The following TMPRSS4 variants were observed in gnomAD, a reference collection of about 807,000 sequenced individuals.
The protein encoded by TMPRSS4 is transmembrane protease serine 4.
A neutral mutation model predicts 56.4 loss-of-function variants in TMPRSS4; 45 were observed. That is an observed-to-expected ratio of 0.80 (90% CI 0.63 to 1.02). The LOEUF (loss-of-function observed/expected upper bound fraction) is 1.02, where lower values mean the gene tolerates loss of function less well. TMPRSS4 is among the 50% of genes least tolerant of loss of function. TMPRSS4 has a pLI of 0.00. For missense variants in TMPRSS4, 546 were observed against 556.7 expected, an observed-to-expected ratio of 0.98 and a Z score of 0.19; for synonymous variants, 205 against 211.0, an observed-to-expected ratio of 0.97 and a Z score of 0.25.
chr11:118,117,469 C>T lies in TMPRSS4; in HGVS notation c.1302+15C>T, dbSNP rs1324624275. On this transcript the variant is annotated intron_variant, in intron 12 of 12. Transcript: ENST00000437212. ...ATGTCTGGAAGGTAAGGTACCTTTG[C>T]CCTACCCACTGTGCCTTCCCTCCAG... The T allele has an allele frequency of 1.3e-5, 21 of 1,604,976 alleles. No individual in the cohort carries two copies. The highest frequency in any genetic ancestry group is 1.8e-5 in the Non-Finnish European group (21 of 1,174,490).
At chr11:118,096,391 G>A (rs577896880) in intron 2 of TMPRSS4, among the ~76,000 whole-genome samples, 3 of 152,348 alleles carry the variant, frequency 2.0e-5, no homozygotes, top group Admixed American at 2.0e-4. Context: ...CCAATCTCTA[G>A]CAGGATGCCA....
intron 4 of TMPRSS4, among the ~76,000 whole-genome samples, chr11:118,104,084 G>C (rs1350352378): frequency 2.0e-5 from 3 of 152,052 alleles, no homozygotes; most frequent in African/African-American, 4.8e-5. Context: ...CTTCCCCCTG[G>C]TGCTTGGGCT....
intron 1 of TMPRSS4, among the ~76,000 whole-genome samples, chr11:118,083,250 C>A (rs751164956): frequency 1.2e-4 from 18 of 152,224 alleles, no homozygotes; most frequent in Admixed American, 4.6e-4. Flanking sequence ...CCCCGTTCCT[C>A]CTAGAACTGT....
intron 3 of TMPRSS4, chr11:118,102,813 G>C: frequency 2.7e-6 from 1 of 375,326 alleles, no homozygotes; most frequent in South Asian, 4.0e-5. Context: ...CATACTGAGC[G>C]AGCACTGGAG....
chr11:118,077,883 G>A (rs1944786528), intron 1 of TMPRSS4, among the ~76,000 whole-genome samples: 2 of 151,882 alleles, frequency 1.3e-5, no homozygotes, highest in Admixed American at 6.6e-5. Flanking sequence ...CGTGGTGGCA[G>A]GTGCCTGTAA....
intron 12 of TMPRSS4, 185 bp downstream of exon 12, chr11:118,117,639 T>A: frequency 1.0e-6 from 1 of 984,800 alleles, no homozygotes; most frequent in Non-Finnish European, 1.2e-6. Flanking sequence ...GTCAGAGATT[T>A]CTGATAAATG....
In TMPRSS4 at chr11:118,118,911, C is replaced by A; in HGVS notation, c.*998C>A. 2.0e-6 allele frequency: 2 copies of A among 985,388 alleles called. No homozygotes were observed. The highest frequency in any genetic ancestry group is 2.4e-6 in the Non-Finnish European group (2 of 829,916). The allele number at this position is 985,388 out of a possible 1,614,324, so 61.0% of individuals were successfully genotyped here. On this transcript the variant is annotated 3_prime_UTR_variant, in exon 13 of 13. Coordinates refer to ENST00000437212, the MANE Select transcript of TMPRSS4 (RefSeq NM_019894.4). ...GATCAGCTGCCAGGTGTGAGGCAGT[C>A]CCCAAGCTGAGTTGTGAGGATGTAA...
At chr11:118,125,479 C>T (rs1947870861), downstream of TMPRSS4, among the ~76,000 whole-genome samples, 1 of 152,102 alleles carries the variant, frequency 6.6e-6, no homozygotes, top group East Asian at 1.9e-4. Flanking sequence ...TGGGATTGAA[C>T]CCCCAAATAA....
At chr11:118,096,838 G>A (rs12225936) in intron 2 of TMPRSS4, among the ~76,000 whole-genome samples, 15,608 of 24,380 alleles carry the variant, frequency 0.64, 6,542 homozygotes, top group Non-Finnish European at 0.69. Flanking sequence ...AAAGAAAGAA[G>A]GAAAGAAGGA....
At chr11:118,094,076 C>T (rs902676139) in intron 1 of TMPRSS4, among the ~76,000 whole-genome samples, 3 of 152,200 alleles carry the variant, frequency 2.0e-5, no homozygotes, top group Admixed American at 6.5e-5. Flanking sequence ...TTAGCTATTA[C>T]TAATGAAGCG....
At chr11:118,090,545 G>A (rs1189298821) in intron 1 of TMPRSS4, among the ~76,000 whole-genome samples, 5 of 151,720 alleles carry the variant, frequency 3.3e-5, no homozygotes, top group South Asian at 2.1e-4. Context: ...GGGAGGCTGC[G>A]GTGGGCAGAT....
At chr11:118,082,448 C>T (rs746778728) in intron 1 of TMPRSS4, among the ~76,000 whole-genome samples, 3 of 152,026 alleles carry the variant, frequency 2.0e-5, no homozygotes, top group East Asian at 1.9e-4. Context: ...GTAATCCCAG[C>T]GACTCGGGAA....
In TMPRSS4 at chr11:118,120,694, T is replaced by C. The variant is rs1167616020; in HGVS notation, c.*2781T>C. Reference sequence around the variant, plus strand: ...GACTAGGCTTAACAGCAGAGAGAGATAAGGAGATTAAAAATATGAAAACAA... The same window carrying C: ...GACTAGGCTTAACAGCAGAGAGAGACAAGGAGATTAAAAATATGAAAACAA... On this transcript the variant is annotated 3_prime_UTR_variant, in exon 13 of 13. Transcript: ENST00000437212. 2 of 151,952 alleles carry C rather than the reference T, an allele frequency of 1.3e-5. No homozygotes were observed. The highest frequency in any genetic ancestry group is 6.6e-5 in the Admixed American group (1 of 15,250). The allele number at this position is 151,952 out of a possible 1,614,324, so 9.4% of individuals were successfully genotyped here.
downstream of TMPRSS4, among the ~76,000 whole-genome samples, chr11:118,125,094 G>A (rs562067981): frequency 7.2e-5 from 11 of 152,330 alleles, no homozygotes; most frequent in East Asian, 1.9e-3. Flanking sequence ...GGCCTTCGTT[G>A]CATGCACCAC....
At chr11:118,093,931 A>T (rs1946137462) in intron 1 of TMPRSS4, among the ~76,000 whole-genome samples, 1 of 151,910 alleles carries the variant, frequency 6.6e-6, no homozygotes, top group Non-Finnish European at 1.5e-5. Context: ...TCCCTTCATC[A>T]TTATGTCCAT....
chr11:118,114,847 G>C lies in TMPRSS4; in HGVS notation c.929G>C (p.Cys310Ser). ...LTFSGTVRPI[C>S]LPFFDEELTP... Reference sequence around the variant, plus strand: ...CTGGCAGGCACAGTCAGGCCCATCTGTCTGCCCTTCTTTGATGAGGAGCTC... The same window carrying C: ...CTGGCAGGCACAGTCAGGCCCATCTCTCTGCCCTTCTTTGATGAGGAGCTC... The change falls in exon 10 of 13, where the codon TGT (cysteine) becomes TCT (serine). Residue 310 changes from cysteine to serine, a missense_variant. Cys to Ser is a moderately radical substitution (Grantham distance 112). Coordinates refer to ENST00000437212, the MANE Select transcript of TMPRSS4 (RefSeq NM_019894.4). 1 of 1,608,052 alleles carries C rather than the reference G, an allele frequency of 6.2e-7. No homozygotes were observed. The highest frequency in any genetic ancestry group is 1.7e-4 in the Middle Eastern group (1 of 5,760).
At chr11:118,116,714 G>GTTTTTT (rs1947569705) in intron 11 of TMPRSS4, among the ~76,000 whole-genome samples, 1 of 87,348 alleles carries the variant, frequency 1.1e-5, no homozygotes, top group African/African-American at 5.1e-5. Flanking sequence ...TGATAACCAG[G>GTTTTTT]CTTTTTTTTT....
intron 2 of TMPRSS4, 149 bp from the exon 3 acceptor site, chr11:118,098,836 G>A (rs1240856929): frequency 3.4e-6 from 2 of 581,556 alleles, no homozygotes; most frequent in Admixed American, 5.9e-5. Flanking sequence ...GCTAAGCCTA[G>A]TCTGCAGGAA....
chr11:118,078,527 A>G lies in TMPRSS4; in HGVS notation c.3+1222A>G, dbSNP rs1298669625. Among the ~76,000 whole-genome samples the G allele has an allele frequency of 2.6e-5, 4 of 152,216 alleles. No individual in the cohort carries two copies. In the East Asian group the frequency reaches 7.7e-4, roughly 29 times the overall value. Reference sequence around the variant, plus strand: ...AGGGGAAGGGGCTTCCCTTTGAGCCAGGATCAAAGCACAAGCTTCCTGCTT... The same window carrying G: ...AGGGGAAGGGGCTTCCCTTTGAGCCGGGATCAAAGCACAAGCTTCCTGCTT... On this transcript the variant is annotated intron_variant, in intron 1 of 12. Coordinates refer to ENST00000437212, the MANE Select transcript of TMPRSS4 (RefSeq NM_019894.4).
Sources: gnomAD v4.1 joint callset for allele counts (sites outside exome capture counted in the v4.1 genomes callset) on GRCh38, gnomAD v4.1.1 for gene constraint, MANE v1.5 for transcripts, NCBI Gene and HGNC (gene_info 2026-07-23, HGNC 2026-07-21) for gene names.